The following SEMA3A variants were observed in gnomAD, a reference collection of about 807,000 sequenced individuals.
SEMA3A encodes semaphorin 3A, also known as semaphorin-3A.
In SEMA3A, 29 loss-of-function variants were observed where a neutral mutation model predicts 97.9. The observed-to-expected ratio is 0.30, with a 90% CI of 0.22 to 0.40. The LOEUF (loss-of-function observed/expected upper bound fraction) is 0.40. Among genes scored for constraint, SEMA3A ranks in the 10% least tolerant of loss-of-function variants. The pLI is 1.00. For missense variants in SEMA3A, 763 were observed against 951.3 expected, an observed-to-expected ratio of 0.80 and a Z score of 2.60; for synonymous variants, 321 against 323.7, an observed-to-expected ratio of 0.99 and a Z score of 0.09.
chr7:84,261,022 A>G (rs1799844541), intron 3 of SEMA3A, among the ~76,000 whole-genome samples: 1 of 152,102 alleles, frequency 6.6e-6, no homozygotes, highest in African/African-American at 2.4e-5. Context: ...TTTGAAGCCC[A>G]TAAACCCCCC....
intron 1 of SEMA3A, among the ~76,000 whole-genome samples, chr7:84,139,745 G>T (rs574917694): frequency 6.6e-6 from 1 of 152,150 alleles, no homozygotes; most frequent in African/African-American, 2.4e-5. Context: ...CAAAGTAGAG[G>T]AGTCTCATGA....
At chr7:84,173,889 A>G (rs1476862377) in intron 1 of SEMA3A, among the ~76,000 whole-genome samples, 1 of 152,134 alleles carries the variant, frequency 6.6e-6, no homozygotes, top group African/African-American at 2.4e-5. Context: ...TCAGAACCCT[A>G]TTGTGAACTG....
At chr7:84,015,421 AT>A (rs1791059884) in intron 6 of SEMA3A, among the ~76,000 whole-genome samples, 1 of 152,158 alleles carries the variant, frequency 6.6e-6, no homozygotes, top group Non-Finnish European at 1.5e-5. Context: ...TTCAAACAGT[AT>A]TTTTGAACGT....
chr7:84,243,725 T>C (rs1045540462), intron 3 of SEMA3A, among the ~76,000 whole-genome samples: 1 of 152,204 alleles, frequency 6.6e-6, no homozygotes, highest in Non-Finnish European at 1.5e-5. Context: ...TCCATTCTCC[T>C]GTGGGCATTT....
intron 1 of SEMA3A, among the ~76,000 whole-genome samples, chr7:84,446,172 T>C (rs1036142944): frequency 2.0e-5 from 3 of 152,172 alleles, no homozygotes; most frequent in Admixed American, 6.5e-5. Flanking sequence ...GAAATTTGAA[T>C]ACAACAATAA....
At chr7:84,029,409 A>T (rs1026226336) in intron 6 of SEMA3A, among the ~76,000 whole-genome samples, 2 of 152,170 alleles carry the variant, frequency 1.3e-5, no homozygotes, top group South Asian at 2.1e-4. Context: ...AATGATTTAG[A>T]GATTTGTATT....
chr7:84,095,048 C>T (rs1242816016), intron 4 of SEMA3A, among the ~76,000 whole-genome samples: 1 of 150,352 alleles, frequency 6.7e-6, no homozygotes, highest in African/African-American at 2.4e-5. Context: ...CACACACACA[C>T]ACAAAATATA....
At position 84,330,061 on chromosome 7, in the gene SEMA3A, T is replaced by A. The variant is rs6979916; in HGVS notation, c.-168-22769A>T. Among the ~76,000 whole-genome samples, 1,018 of 152,104 alleles carry A rather than the reference T, an allele frequency of 6.7e-3. 16 individuals are homozygous for A. Among genetic ancestry groups the A allele is most frequent in the African/African-American group, 0.024 (982 of 41,524 alleles). ...CCTAATAAGCAAAGATGAAGCATAA[T>A]CTAGAAAACACAGAATCTCATAACC... On this transcript the variant is annotated intron_variant, in intron 2 of 3. Transcript: ENST00000424555.
At chr7:84,273,169 A>G (rs1800195859) in intron 3 of SEMA3A, among the ~76,000 whole-genome samples, 1 of 152,124 alleles carries the variant, frequency 6.6e-6, no homozygotes, top group Non-Finnish European at 1.5e-5. Context: ...CTAAGCAATG[A>G]AAATACAAAT....
chr7:84,078,632 T>C (rs537548657), intron 4 of SEMA3A, among the ~76,000 whole-genome samples: 1 of 152,206 alleles, frequency 6.6e-6, no homozygotes, highest in South Asian at 2.1e-4. Flanking sequence ...AGGAAGTTAA[T>C]GGAAACGTCA....
intron 3 of SEMA3A, among the ~76,000 whole-genome samples, chr7:84,305,535 A>G (rs1459771891): frequency 6.6e-6 from 1 of 152,050 alleles, no homozygotes; most frequent in East Asian, 1.9e-4. Context: ...GCATTCAGTG[A>G]TTTAAGACTC....
At chr7:83,977,719 T>A (rs955991699) in intron 14 of SEMA3A, among the ~76,000 whole-genome samples, 1 of 151,976 alleles carries the variant, frequency 6.6e-6, no homozygotes, top group Non-Finnish European at 1.5e-5. Context: ...TTTTATAATA[T>A]TAAGACTAGA....
intron 12 of SEMA3A, among the ~76,000 whole-genome samples, chr7:83,999,652 TA>T (rs1033871974): frequency 1.3e-5 from 2 of 152,110 alleles, no homozygotes; most frequent in African/African-American, 4.8e-5. Context: ...TCTACTAATA[TA>T]CATTTATTTA....
At chr7:84,444,837 G>A (rs753851084) in intron 1 of SEMA3A, among the ~76,000 whole-genome samples, 9 of 152,068 alleles carry the variant, frequency 5.9e-5, no homozygotes, top group Non-Finnish European at 1.2e-4. Flanking sequence ...TGGGATTACA[G>A]GTGTGAGTAC....
intron 3 of SEMA3A, among the ~76,000 whole-genome samples, chr7:84,240,536 T>A (rs1368979098): frequency 6.6e-6 from 1 of 152,142 alleles, no homozygotes; most frequent in Non-Finnish European, 1.5e-5. Context: ...AGAGGGAAGA[T>A]AAATTCAGAA....
rs1344880487 is a variant in SEMA3A, at chr7:84,001,954, C to T, written c.1452+1G>A. 1 of 1,606,104 alleles carries T rather than the reference C, an allele frequency of 6.2e-7. No individual in the cohort carries two copies. The highest frequency in any genetic ancestry group is 2.2e-5 in the East Asian group (1 of 44,774). On this transcript the variant is annotated splice_donor_variant, in intron 12 of 16. Transcript: ENST00000265362. LOFTEE classifies it high-confidence loss of function. Reference sequence around the variant, plus strand: ...GACACTTGAAATTAAGCAGCACTCACCCGAAAAACTGTCATTTCTTCCAGC... The same window carrying T: ...GACACTTGAAATTAAGCAGCACTCATCCGAAAAACTGTCATTTCTTCCAGC...
intron 4 of SEMA3A, among the ~76,000 whole-genome samples, chr7:84,103,233 T>G (rs192689709): frequency 6.6e-6 from 1 of 152,260 alleles, no homozygotes; most frequent in Non-Finnish European, 1.5e-5. Context: ...AAAATCTTCC[T>G]TCATACCATG....
At chr7:84,388,099 A>G (rs549626903) in intron 1 of SEMA3A, among the ~76,000 whole-genome samples, 102 of 152,162 alleles carry the variant, frequency 6.7e-4, no homozygotes, top group Non-Finnish European at 1.2e-3. Flanking sequence ...CTCTAAACCT[A>G]TATAAATACA....
chr7:84,339,253 T>G (rs1181849323), intron 2 of SEMA3A, among the ~76,000 whole-genome samples: 1 of 152,190 alleles, frequency 6.6e-6, no homozygotes, highest in Admixed American at 6.5e-5. Flanking sequence ...AATTGGGGAC[T>G]AATAGAGGCA....
Sources: gnomAD v4.1 joint callset for allele counts (sites outside exome capture counted in the v4.1 genomes callset) on GRCh38, gnomAD v4.1.1 for gene constraint, MANE v1.5 for transcripts, NCBI Gene and HGNC (gene_info 2026-07-23, HGNC 2026-07-21) for gene names.